TOR1A: variants seen among roughly 807,000 people sequenced by gnomAD.
TOR1A encodes the protein torsin family 1 member A.
TOR1A carries 18 observed loss-of-function variants against 31.4 expected under a neutral mutation model. The ratio of observed to expected loss-of-function variants is 0.57; its 90% CI spans 0.40 to 0.85. The LOEUF (loss-of-function observed/expected upper bound fraction) is 0.85, where lower values mean the gene tolerates loss of function less well. Ranked by LOEUF, TOR1A falls within the 40% of genes least tolerant of loss-of-function variation. The pLI is 0.00. For missense variants in TOR1A, 375 were observed against 416.4 expected (o/e 0.90, Z 0.87); for synonymous variants, 168 against 165.9 (o/e 1.01, Z -0.10).
intron 4 of TOR1A, among the ~76,000 whole-genome samples, chr9:129,816,442 C>CACACATCACAT (rs1259766930): frequency 2.6e-5 from 4 of 152,248 alleles, no homozygotes. Flanking sequence ...CACACAAACA[C>CACACATCACAT]ATCACACACA....
At chr9:129,822,392 A>G (rs1386884327) in intron 2 of TOR1A, 189 bp downstream of exon 2, 1 of 803,328 alleles carries the variant, frequency 1.2e-6, no homozygotes, top group Non-Finnish European at 2.1e-6. Context: ...CCCACCACAA[A>G]GCTTTGATGG....
chr9:129,818,945 A>C, intron 2 of TOR1A, 25 bp from the exon 3 acceptor site: 2 of 1,608,600 alleles, frequency 1.2e-6, no homozygotes, highest in Non-Finnish European at 1.7e-6. Flanking sequence ...GAAAAAGCGA[A>C]CACAAAGTTC....
intron 1 of TOR1A, 37 bp downstream of exon 1, chr9:129,823,871 G>GCCCCCCCCCC: frequency 6.7e-7 from 1 of 1,494,282 alleles, no homozygotes; most frequent in East Asian, 2.5e-5. Flanking sequence ...CCCAGCCCCA[G>GCCCCCCCCCC]CCCCAGCCCC....
At chr9:129,822,524 CAA>C (rs1475247892) in intron 2 of TOR1A, 55 bp downstream of exon 2, 1 of 1,609,988 alleles carries the variant, frequency 6.2e-7, no homozygotes. Flanking sequence ...CATCCCACAA[CAA>C]AGAGACCCCA....
At chr9:129,823,571 C>G (rs1437288003) in intron 1 of TOR1A, 2 of 332,520 alleles carry the variant, frequency 6.0e-6, no homozygotes, top group African/African-American at 4.6e-5. Flanking sequence ...CCTAGCCCGG[C>G]CCTACTGCCA....
chr9:129,823,390 G>C (rs1588218762), intron 1 of TOR1A: 2 of 270,322 alleles, frequency 7.4e-6, no homozygotes, highest in East Asian at 1.0e-4. Context: ...CCTGCAGGCC[G>C]GCCGCTTGGC....
At chr9:129,814,713 CAG>C (rs921034014) in intron 4 of TOR1A, among the ~76,000 whole-genome samples, 3 of 151,240 alleles carry the variant, frequency 2.0e-5, no homozygotes, top group African/African-American at 7.3e-5. Flanking sequence ...CAGGAACAAG[CAG>C]AGAGGCAGAG....
Position 129,819,304 on chromosome 9 carries a change from T to C in TOR1A, c.445-384A>G, listed in dbSNP as rs189688645. 1.1e-4 allele frequency among the ~76,000 whole-genome samples: 17 copies of C among 152,260 alleles called. No individual in the cohort carries two copies. In the East Asian group the frequency reaches 2.1e-3, roughly 19 times the overall value. On this transcript the variant is annotated intron_variant, in intron 2 of 4. Coordinates refer to ENST00000351698, the MANE Select transcript of TOR1A (RefSeq NM_000113.3). The stretch of plus-strand genomic sequence containing the variant: ...ATCAAAGGGGCAATGTGGGATGTCA[T>C]GAGGATACTGATTTTTATTTAAAAA...
intron 1 of TOR1A, chr9:129,823,215 C>G: frequency 2.7e-6 from 1 of 364,044 alleles, no homozygotes; most frequent in Non-Finnish European, 5.3e-6. Context: ...ACCATCCTTC[C>G]TGTCTCCCGC....
At chr9:129,818,474 C>T (rs202078753) in intron 4 of TOR1A, 46 bp downstream of exon 4, 1 of 1,611,974 alleles carries the variant, frequency 6.2e-7, no homozygotes, top group Non-Finnish European at 8.5e-7. Flanking sequence ...ACTTAGGGTG[C>T]AGGATTAGGA....
At chr9:129,823,566 C>G (rs1366147936) in intron 1 of TOR1A, 1 of 313,752 alleles carries the variant, frequency 3.2e-6, no homozygotes, top group Admixed American at 4.8e-5. Context: ...CCAGTCCTAG[C>G]CCGGCCCTAC....
chr9:129,816,336 T>C (rs1330416265), intron 4 of TOR1A, among the ~76,000 whole-genome samples: 1 of 152,070 alleles, frequency 6.6e-6, no homozygotes, highest in Admixed American at 6.6e-5. Context: ...CCCCAAAGCC[T>C]TTCTTGATTT....
chr9:129,818,332 A>G (rs1450153238), intron 4 of TOR1A, 188 bp downstream of exon 4: 6 of 819,200 alleles, frequency 7.3e-6, no homozygotes, highest in South Asian at 1.5e-5. Flanking sequence ...CTTGTCAAAC[A>G]TTAGTGTTCA....
At position 129,813,672 on chromosome 9, in the gene TOR1A, A is replaced by G. The variant is rs549276104; in HGVS notation, c.*300T>C. On this transcript the variant is annotated 3_prime_UTR_variant, in exon 5 of 5. Coordinates refer to ENST00000351698, the MANE Select transcript of TOR1A (RefSeq NM_000113.3). ...ACTTATTCATCCTTCCTTGAAACAG[A>G]AACACTTGGAATTAAAACATAATTT... is the stretch of plus-strand genomic sequence containing the variant. The G allele has an allele frequency of 2.3e-5, 11 of 484,014 alleles. No individual in the cohort carries two copies. Among genetic ancestry groups the G allele is most frequent in the Non-Finnish European group, 4.1e-5 (11 of 267,872 alleles). 30.0% of individuals were successfully genotyped at this position (484,014 alleles called of 1,614,324 possible).
At chr9:129,818,984 T>C in intron 2 of TOR1A, 64 bp from the exon 3 acceptor site, 1 of 1,573,328 alleles carries the variant, frequency 6.4e-7, no homozygotes. Context: ...CAGCTCCTTC[T>C]ACCACTAAGA....
At chr9:129,815,736 C>T (rs1214322251) in intron 4 of TOR1A, among the ~76,000 whole-genome samples, 4 of 152,212 alleles carry the variant, frequency 2.6e-5, no homozygotes, top group Non-Finnish European at 4.4e-5. Flanking sequence ...TGAGCTCGCC[C>T]GTCCTTCCTG....
chr9:129,823,843 TCAGCCCTAGTGCCATCGCC>T, intron 1 of TOR1A, 46 bp downstream of exon 1: 1 of 1,493,928 alleles, frequency 6.7e-7, no homozygotes, highest in South Asian at 1.2e-5. Context: ...TGGTCCTAGT[TCAGCCCTAGTGCCATCGCC>T]CAGCCCCAGC....
rs886063523 is a variant in TOR1A, at chr9:129,813,807, C to A, written c.*165G>T. The A allele has an allele frequency of 3.6e-6, 4 of 1,104,126 alleles. No homozygotes were observed. Among genetic ancestry groups the A allele is most frequent in the Non-Finnish European group, 5.3e-6 (4 of 756,124 alleles). The allele number at this position is 1,104,126 out of a possible 1,614,324, so 68.4% of individuals were successfully genotyped here. ...CCGTGGTCCCTGGGTGGCCTGCAGG[C>A]ACCAGGGGGTGGAAACAATGCCAGG... On this transcript the variant is annotated 3_prime_UTR_variant, in exon 5 of 5. Transcript: ENST00000351698.
intron 4 of TOR1A, among the ~76,000 whole-genome samples, chr9:129,816,208 G>A (rs1402222167): frequency 6.6e-6 from 1 of 152,126 alleles, no homozygotes; most frequent in Non-Finnish European, 1.5e-5. Flanking sequence ...TCCGCACTGG[G>A]GAATGCTTTT....
Sources: allele counts gnomAD v4.1 joint callset (sites outside exome capture counted in the v4.1 genomes callset), GRCh38; gene constraint gnomAD v4.1.1; transcripts MANE v1.5; gene names NCBI Gene and HGNC (gene_info 2026-07-23, HGNC 2026-07-21).